NTM: variants seen among roughly 807,000 people sequenced by gnomAD.
The protein encoded by NTM is neurotrimin.
In NTM, 13 loss-of-function variants were observed where a neutral mutation model predicts 42.1. The ratio of observed to expected loss-of-function variants is 0.31; its 90% confidence interval spans 0.20 to 0.49. The LOEUF (loss-of-function observed/expected upper bound fraction) is 0.49, where lower values mean the gene tolerates loss of function less well. NTM is among the 20% of genes least tolerant of loss of function. NTM has a pLI of 0.99. For synonymous variants in NTM, 187 were observed against 179.2 expected, an observed-to-expected ratio of 1.04 and a Z score of -0.35; for missense variants, 373 against 452.8, an observed-to-expected ratio of 0.82 and a Z score of 1.60.
At chr11:131,922,102 T>A (rs2057310158) in intron 2 of NTM, 2 of 152,652 alleles carry the variant, frequency 1.3e-5, no homozygotes, top group Non-Finnish European at 2.9e-5. Context: ...GGCTGTTCCC[T>A]GGATTATTTC....
At chr11:132,236,270 TCA>T (rs1316447485) in intron 4 of NTM, among the ~76,000 whole-genome samples, 2 of 152,288 alleles carry the variant, frequency 1.3e-5, no homozygotes, top group Admixed American at 6.5e-5. Context: ...ACATTGAAGC[TCA>T]GAGAGGTTTG....
chr11:131,472,333 C>T (rs1000462673), intron 1 of NTM, among the ~76,000 whole-genome samples: 4 of 152,148 alleles, frequency 2.6e-5, no homozygotes, highest in African/African-American at 9.7e-5. Flanking sequence ...TTGGGAAGAC[C>T]AGGGACAGAG....
intron 3 of NTM, among the ~76,000 whole-genome samples, chr11:132,149,095 G>T (rs899695520): frequency 1.3e-5 from 2 of 151,994 alleles, no homozygotes; most frequent in Non-Finnish European, 2.9e-5. Flanking sequence ...GAGTATTATC[G>T]ACACTTTAAT....
chr11:131,664,808 C>A, intron 1 of NTM, among the ~76,000 whole-genome samples: 1 of 131,732 alleles, frequency 7.6e-6, no homozygotes, highest in African/African-American at 2.9e-5. Context: ...TTTCTGGCAA[C>A]ATTTAAAAGC....
At chr11:132,076,936 C>T (rs969907669) in intron 2 of NTM, among the ~76,000 whole-genome samples, 2 of 152,112 alleles carry the variant, frequency 1.3e-5, no homozygotes, top group African/African-American at 2.4e-5. Flanking sequence ...TTTTCCAAAA[C>T]ATAACAGAAT....
rs1314951666 is a variant in NTM at position 132,314,805 on chromosome 11, T to TATCA, written c.934+103_934+106dup. 1.1e-5 allele frequency: 15 copies of TATCA among 1,421,544 alleles called. No individual in the cohort carries two copies. In the African/African-American group the frequency reaches 1.9e-4, roughly 18 times the overall value. The allele number at this position is 1,421,544 out of a possible 1,614,324, so 88.1% of individuals were successfully genotyped here. A position where few individuals can be genotyped will look rare whatever the true frequency, so the allele number is the denominator to read the frequency against. ...AGGCCAGGGTCAGAGGTTAGCAGGG[T>TATCA]ATCAGTGGACATGGAGAGGGAGGAA... On this transcript the variant is annotated intron_variant, in intron 7 of 8. Coordinates refer to ENST00000683400, the MANE Select transcript of NTM (RefSeq NM_001352005.2).
chr11:132,227,947 G>A (rs1249814161), intron 4 of NTM, among the ~76,000 whole-genome samples: 2 of 152,166 alleles, frequency 1.3e-5, no homozygotes, highest in African/African-American at 2.4e-5. Flanking sequence ...AAGGACCAAG[G>A]CAGAAGTTCT....
intron 4 of NTM, among the ~76,000 whole-genome samples, chr11:132,214,390 G>A (rs553978470): frequency 3.3e-5 from 5 of 152,136 alleles, no homozygotes; most frequent in African/African-American, 4.8e-5. Flanking sequence ...TCTGTTTGAT[G>A]TCTCTTCTCA....
At chr11:132,124,422 C>A (rs1320085961) in intron 2 of NTM, among the ~76,000 whole-genome samples, 1 of 152,186 alleles carries the variant, frequency 6.6e-6, no homozygotes, top group Admixed American at 6.5e-5. Context: ...TTGGCACCTG[C>A]GCCTTAGATT....
chr11:131,815,065 C>T (rs1358825419), intron 1 of NTM, among the ~76,000 whole-genome samples: 3 of 152,118 alleles, frequency 2.0e-5, no homozygotes, highest in Non-Finnish European at 4.4e-5. Flanking sequence ...AGCATGATCA[C>T]CTCGCTCTGC....
At chr11:132,287,771 G>A (rs1431289900) in intron 4 of NTM, among the ~76,000 whole-genome samples, 3 of 152,222 alleles carry the variant, frequency 2.0e-5, no homozygotes, top group African/African-American at 7.2e-5. Flanking sequence ...GCATGCATGT[G>A]AATGTGTCTC....
chr11:132,116,275 G>T (rs2063878955), intron 2 of NTM, among the ~76,000 whole-genome samples: 1 of 152,170 alleles, frequency 6.6e-6, no homozygotes, highest in South Asian at 2.1e-4. Context: ...CTTTTAAGTA[G>T]GGGCCAGGCC....
chr11:132,315,002 AT>A, intron 7 of NTM: 1 of 1,154,546 alleles, frequency 8.7e-7, no homozygotes, highest in East Asian at 4.0e-5. Context: ...ATGAAAAAGA[AT>A]GTTCATGTTT....
At chr11:131,865,738 C>T (rs202126799) in intron 1 of NTM, among the ~76,000 whole-genome samples, 8 of 142,862 alleles carry the variant, frequency 5.6e-5, no homozygotes, top group Admixed American at 2.1e-4. Flanking sequence ...TGCTCTCACA[C>T]GTTGCACACA....
intron 4 of NTM, among the ~76,000 whole-genome samples, chr11:132,294,806 T>C (rs2094557831): frequency 6.6e-6 from 1 of 152,168 alleles, no homozygotes; most frequent in Admixed American, 6.5e-5. Context: ...CACTACTAAT[T>C]ACAGACAGAC....
intron 2 of NTM, among the ~76,000 whole-genome samples, chr11:131,957,274 A>T (rs1203599469): frequency 6.6e-6 from 1 of 152,192 alleles, no homozygotes; most frequent in East Asian, 1.9e-4. Flanking sequence ...TGGTAGTGTG[A>T]TTATTGCTTT....
chr11:132,288,275 G>T (rs1246983859), intron 4 of NTM, among the ~76,000 whole-genome samples: 2 of 152,190 alleles, frequency 1.3e-5, no homozygotes, highest in African/African-American at 4.8e-5. Flanking sequence ...CCATTGGAGA[G>T]AATATGGAGT....
At chr11:131,388,405 A>T (rs1943579385) in intron 1 of NTM, among the ~76,000 whole-genome samples, 1 of 151,796 alleles carries the variant, frequency 6.6e-6, no homozygotes, top group Non-Finnish European at 1.5e-5. Flanking sequence ...ACTAATACTA[A>T]AAGACATTTG....
chr11:131,932,346 G>A (rs540969637), intron 2 of NTM, among the ~76,000 whole-genome samples: 11 of 152,180 alleles, frequency 7.2e-5, no homozygotes, highest in African/African-American at 2.4e-4. Flanking sequence ...CTTGCTTATC[G>A]GTATAGTTTA....
Sources: allele counts gnomAD v4.1 joint callset (sites outside exome capture counted in the v4.1 genomes callset), GRCh38; gene constraint gnomAD v4.1.1; transcripts MANE v1.5; gene names NCBI Gene and HGNC (gene_info 2026-07-23, HGNC 2026-07-21).